PAX5: variants seen among roughly 807,000 people sequenced by gnomAD.
PAX5 encodes the protein paired box protein Pax-5.
In PAX5, 9 loss-of-function variants were observed where a neutral mutation model predicts 43.7. The ratio of observed to expected loss-of-function variants is 0.21; its 90% CI spans 0.12 to 0.36. The LOEUF (loss-of-function observed/expected upper bound fraction) is 0.36, where lower values mean the gene tolerates loss of function less well. Among genes scored for constraint, PAX5 ranks in the 10% least tolerant of loss-of-function variants. PAX5 has a pLI of 1.00. For missense variants in PAX5, 383 were observed against 532.7 expected (o/e 0.72, Z 2.77); for synonymous variants, 228 against 214.3 (o/e 1.06, Z -0.56).
intron 7 of PAX5, among the ~76,000 whole-genome samples, chr9:36,921,697 CA>C (rs1443845050): frequency 2.5e-4 from 38 of 152,218 alleles, no homozygotes; most frequent in African/African-American, 9.2e-4. Context: ...TTCGCTAATC[CA>C]GGTTTCTTTG....
intron 1 of PAX5, among the ~76,000 whole-genome samples, chr9:37,028,567 G>A (rs897511886): frequency 6.6e-6 from 1 of 152,256 alleles, no homozygotes; most frequent in African/African-American, 2.4e-5. Flanking sequence ...CCTCTTTCCT[G>A]CCTCAGATCA....
chr9:37,014,113 C>T (rs557451471), intron 3 of PAX5, among the ~76,000 whole-genome samples: 1 of 152,346 alleles, frequency 6.6e-6, no homozygotes, highest in African/African-American at 2.4e-5. Flanking sequence ...CTGTTCATCT[C>T]TGAACTTCAT....
chr9:36,945,498 C>T (rs772066474), intron 6 of PAX5, among the ~76,000 whole-genome samples: 2 of 152,220 alleles, frequency 1.3e-5, no homozygotes, highest in Non-Finnish European at 2.9e-5. Context: ...ACATTGGCCT[C>T]CCACAGTGCT....
intron 5 of PAX5, among the ~76,000 whole-genome samples, chr9:36,970,401 T>G (rs568117061): frequency 6.6e-6 from 1 of 152,066 alleles, no homozygotes; most frequent in East Asian, 1.9e-4. Flanking sequence ...CTGGAGAGGC[T>G]GGGAGGGATT....
intron 4 of PAX5, among the ~76,000 whole-genome samples, chr9:37,005,027 T>G (rs1486155602): frequency 6.6e-6 from 1 of 152,370 alleles, no homozygotes; most frequent in South Asian, 2.1e-4. Context: ...TACAGTAGAA[T>G]TATTCTTCTA....
chr9:36,840,385 G>C lies in PAX5; in HGVS notation c.*175C>G. On this transcript the variant is annotated 3_prime_UTR_variant, in exon 10 of 10. Transcript: ENST00000358127. The stretch of plus-strand genomic sequence containing the variant: ...ATAGACAAGCATCCAGAAGTCCAAC[G>C]GCCCCACCAAAGGGCCCCAGAGTCC... 1.5e-6 allele frequency: 1 copy of C among 672,292 alleles called. No homozygotes were observed. Among genetic ancestry groups the C allele is most frequent in the Non-Finnish European group, 2.6e-6 (1 of 382,528 alleles). The allele number at this position is 672,292 out of a possible 1,614,324, so 41.6% of individuals were successfully genotyped here.
At chr9:37,029,571 C>T (rs141361567) in intron 1 of PAX5, among the ~76,000 whole-genome samples, 1 of 152,236 alleles carries the variant, frequency 6.6e-6, no homozygotes, top group African/African-American at 2.4e-5. Context: ...CAGAGAGGGA[C>T]TGGGATGGAA....
Position 37,002,676 on chromosome 9 carries a change from G to A in PAX5, c.576C>T (p.Ala192=), listed in dbSNP as rs1838001384. Residue 192 remains alanine (A), a synonymous_variant, in exon 5 of 10, where the codon GCC becomes GCT. Coordinates refer to ENST00000358127, the MANE Select transcript of PAX5 (RefSeq NM_016734.3). ...SGILGITSPS[A]DTNKRKRDEG... The stretch of plus-strand genomic sequence containing the variant: ...CGTCTCTCTTGCGCTTGTTGGTGTC[G>A]GCGCTGGGGGACGTGATGCCCAGGA... The A allele has an allele frequency of 6.2e-7, 1 of 1,611,502 alleles. No homozygotes were observed. Among genetic ancestry groups the A allele is most frequent in the Admixed American group, 1.7e-5 (1 of 59,760 alleles).
At chr9:36,993,213 A>T (rs1476656480) in intron 5 of PAX5, among the ~76,000 whole-genome samples, 3 of 152,368 alleles carry the variant, frequency 2.0e-5, no homozygotes, top group East Asian at 3.9e-4. Flanking sequence ...AGCCAATGCC[A>T]TTCATACTAA....
intron 6 of PAX5, among the ~76,000 whole-genome samples, chr9:36,939,623 C>A (rs1588030797): frequency 6.6e-6 from 1 of 152,184 alleles, no homozygotes; most frequent in Non-Finnish European, 1.5e-5. Context: ...AAAATAGCAT[C>A]TGTAATTGGA....
At chr9:36,921,497 ACTCCACTG>A (rs1830167430) in intron 7 of PAX5, among the ~76,000 whole-genome samples, 1 of 151,916 alleles carries the variant, frequency 6.6e-6, no homozygotes, top group Admixed American at 6.6e-5. Context: ...TTCAACTGCA[ACTCCACTG>A]CTCACCAGCT....
At chr9:36,931,251 C>G (rs1332718983) in intron 6 of PAX5, among the ~76,000 whole-genome samples, 3 of 152,244 alleles carry the variant, frequency 2.0e-5, no homozygotes, top group African/African-American at 7.2e-5. Flanking sequence ...GAGCCTGGCT[C>G]CAGCGACTGA....
At chr9:36,899,833 G>A (rs1236851334) in intron 7 of PAX5, among the ~76,000 whole-genome samples, 1 of 152,152 alleles carries the variant, frequency 6.6e-6, no homozygotes, top group Middle Eastern at 3.2e-3. Context: ...GAGCTTCAGG[G>A]CTCCACTGCC....
At chr9:37,022,587 G>A (rs550038259) in intron 1 of PAX5, among the ~76,000 whole-genome samples, 1 of 152,216 alleles carries the variant, frequency 6.6e-6, no homozygotes, top group South Asian at 2.1e-4. Context: ...ATCTGCAATA[G>A]CCTGTTCTCT....
At chr9:36,973,060 G>A (rs1302058165) in intron 5 of PAX5, among the ~76,000 whole-genome samples, 6 of 86,574 alleles carry the variant, frequency 6.9e-5, no homozygotes, top group Admixed American at 1.3e-4. Flanking sequence ...GAAAGAAAAG[G>A]AAAGGAAAGG....
intron 6 of PAX5, among the ~76,000 whole-genome samples, chr9:36,964,073 G>A (rs1340938621): frequency 6.6e-6 from 1 of 152,030 alleles, no homozygotes; most frequent in African/African-American, 2.4e-5. Context: ...GAGGTCAGGA[G>A]ATCAAGACCA....
intron 5 of PAX5, among the ~76,000 whole-genome samples, chr9:36,994,012 TCA>T (rs1253096180): frequency 6.6e-6 from 1 of 152,114 alleles, no homozygotes; most frequent in Admixed American, 6.5e-5. Context: ...GCGTTGGCTC[TCA>T]CGGGGGCTCT....
chr9:36,849,560 G>T (rs1466246676), intron 8 of PAX5, among the ~76,000 whole-genome samples: 1 of 152,224 alleles, frequency 6.6e-6, no homozygotes, highest in Non-Finnish European at 1.5e-5. Flanking sequence ...CCAGGCACAC[G>T]CTTCCAGAGC....
At position 37,020,620 on chromosome 9, in the gene PAX5, G is replaced by A. The variant is rs757458347; in HGVS notation, c.212+16C>T. 13 of 1,613,360 alleles carry A rather than the reference G, an allele frequency of 8.1e-6. 1 individual carries two copies. The highest frequency in any genetic ancestry group is 8.0e-5 in the African/African-American group (6 of 74,892). ...TATTTGAAAGATCAAGGGAAGCCTC[G>A]AGCTACTGCCTTTACCTGCCAAGAA... On this transcript the variant is annotated intron_variant, in intron 2 of 9. Transcript: ENST00000358127.
Sources: allele counts gnomAD v4.1 joint callset (sites outside exome capture counted in the v4.1 genomes callset), GRCh38; gene constraint gnomAD v4.1.1; transcripts MANE v1.5; gene names NCBI Gene and HGNC (gene_info 2026-07-23, HGNC 2026-07-21).